Variants in MARCHF1 observed in about 807,000 individuals in gnomAD.
MARCHF1 encodes E3 ubiquitin-protein ligase MARCHF1.
MARCHF1 carries 40 observed loss-of-function variants against 54.2 expected under a neutral mutation model. The ratio of observed to expected loss-of-function variants is 0.74; its 90% CI spans 0.57 to 0.96. The LOEUF is 0.96. MARCHF1 is among the 40% of genes least tolerant of loss of function. MARCHF1 has a pLI of 0.00. For missense variants in MARCHF1, 586 were observed against 656.5 expected, an observed-to-expected ratio of 0.89 and a Z score of 1.17; for synonymous variants, 236 against 236.3, an observed-to-expected ratio of 1.00 and a Z score of 0.01.
intron 1 of MARCHF1, among the ~76,000 whole-genome samples, chr4:164,122,489 A>G (rs1220750309): frequency 1.3e-5 from 2 of 152,078 alleles, no homozygotes; most frequent in Non-Finnish European, 2.9e-5. Flanking sequence ...CATTTGTATA[A>G]TAAGATTAGG....
chr4:164,381,258 T>C lies in MARCHF1; in HGVS notation c.-323+2612A>G, dbSNP rs138449835. 8.3e-3 allele frequency among the ~76,000 whole-genome samples: 1,263 copies of C among 152,314 alleles called. 18 individuals are homozygous for C. The highest frequency in any genetic ancestry group is 0.029 in the African/African-American group (1,215 of 41,566). On this transcript the variant is annotated intron_variant, in intron 1 of 9. Transcript: ENST00000514618. ...ATAGGCAAAGTATGTGTGAAATACA[T>C]TAAAGAACATTATGAGAATACTCTC...
rs375487965 is a variant in MARCHF1, at chr4:163,693,006, T to C, written c.162+7807A>G. Reference sequence around the variant, plus strand: ...TGTATTCATCTGGCATGGACGTTAATATACAATCATGGTCCTGTTCCAGGG... The same window carrying C: ...TGTATTCATCTGGCATGGACGTTAACATACAATCATGGTCCTGTTCCAGGG... On this transcript the variant is annotated intron_variant, in intron 5 of 9. Transcript: ENST00000514618. 9.2e-5 allele frequency among the ~76,000 whole-genome samples: 14 copies of C among 151,532 alleles called. 1 individual carries two copies. The highest frequency in any genetic ancestry group is 1.5e-4 in the Non-Finnish European group (10 of 67,958).
At chr4:163,956,262 C>T (rs1220380357) in intron 3 of MARCHF1, among the ~76,000 whole-genome samples, 1 of 152,114 alleles carries the variant, frequency 6.6e-6, no homozygotes, top group Non-Finnish European at 1.5e-5. Flanking sequence ...TTTCCTAAGT[C>T]ATTTAGTCAT....
chr4:163,964,965 C>A (rs1449249085), intron 3 of MARCHF1, among the ~76,000 whole-genome samples: 2 of 151,880 alleles, frequency 1.3e-5, no homozygotes. Flanking sequence ...AAATTAAAGT[C>A]AATCGAAAGT....
At chr4:164,170,585 C>G (rs1482887312) in intron 1 of MARCHF1, among the ~76,000 whole-genome samples, 3 of 151,984 alleles carry the variant, frequency 2.0e-5, no homozygotes, top group Non-Finnish European at 2.9e-5. Flanking sequence ...ACTTATGGTT[C>G]CTTCCCTCAA....
chr4:163,667,162 A>G (rs1453906831), intron 5 of MARCHF1, among the ~76,000 whole-genome samples: 1 of 152,104 alleles, frequency 6.6e-6, no homozygotes, highest in Non-Finnish European at 1.5e-5. Context: ...AAAAAAATTT[A>G]TATTTTCAAC....
At chr4:163,955,637 C>A (rs773376318) in intron 3 of MARCHF1, among the ~76,000 whole-genome samples, 1 of 152,016 alleles carries the variant, frequency 6.6e-6, no homozygotes, top group Non-Finnish European at 1.5e-5. Context: ...TCGCATCTAA[C>A]GTTTCCAGTC....
At chr4:164,161,744 G>A (rs1120384) in intron 1 of MARCHF1, among the ~76,000 whole-genome samples, 23,961 of 152,054 alleles carry the variant, frequency 0.16, 2,651 homozygotes, top group African/African-American at 0.3. Flanking sequence ...AATCCATCTT[G>A]CAACTCTTGG....
At chr4:163,707,097 G>A (rs1057049574) in intron 4 of MARCHF1, among the ~76,000 whole-genome samples, 5 of 152,054 alleles carry the variant, frequency 3.3e-5, no homozygotes, top group Non-Finnish European at 7.4e-5. Flanking sequence ...ATGGAGTCCT[G>A]ATGGAACAAT....
chr4:163,561,189 G>A (rs1229253536), intron 8 of MARCHF1, among the ~76,000 whole-genome samples: 2 of 152,030 alleles, frequency 1.3e-5, no homozygotes, highest in Non-Finnish European at 2.9e-5. Context: ...TATCATATAG[G>A]TCAACTAAAA....
rs1553971748 is a variant in MARCHF1 at position 164,034,104 on chromosome 4, T to TAGATAGATAGATAGATAGATAGAC, written c.-247-45396_-247-45395insGTCTATCTATCTATCTATCTATCT. On this transcript the variant is annotated intron_variant, in intron 2 of 9. Coordinates refer to ENST00000514618, the MANE Select transcript of MARCHF1 (RefSeq NM_001394959.1). The stretch of plus-strand genomic sequence containing the variant: ...ATAGATAGATAGATAGATAGATAGA[T>TAGATAGATAGATAGATAGATAGAC]AGATAGATAGATAGAGATATATACA... Among the ~76,000 whole-genome samples the TAGATAGATAGATAGATAGATAGAC allele has an allele frequency of 5.6e-3, 787 of 141,756 alleles. 27 individuals carry two copies. The highest frequency in any genetic ancestry group is 6.1e-3 in the Non-Finnish European group (399 of 65,718). 93.0% of individuals were successfully genotyped at this position (141,756 alleles called of 152,430 possible).
chr4:163,854,340 C>T (rs1468651903), intron 3 of MARCHF1, among the ~76,000 whole-genome samples, 171 bp from the exon 4 acceptor site: 1 of 152,028 alleles, frequency 6.6e-6, no homozygotes, highest in Non-Finnish European at 1.5e-5. Context: ...TTACTAATAT[C>T]CTAGAGTCAC....
intron 3 of MARCHF1, among the ~76,000 whole-genome samples, chr4:163,904,786 A>ACAGAGACAGAGG (rs1751022692): frequency 1.0e-4 from 1 of 9,698 alleles, no homozygotes; most frequent in South Asian, 0.5. Flanking sequence ...AGAGACAGAG[A>ACAGAGACAGAGG]GAGAAAGAGA....
chr4:163,550,276 C>G, intron 8 of MARCHF1, among the ~76,000 whole-genome samples: 1 of 91,826 alleles, frequency 1.1e-5, no homozygotes. Flanking sequence ...AGCGAGACTC[C>G]GTCTCAAAAA....
intron 3 of MARCHF1, among the ~76,000 whole-genome samples, chr4:163,949,004 G>A (rs1457983644): frequency 6.6e-6 from 1 of 152,200 alleles, no homozygotes; most frequent in East Asian, 1.9e-4. Flanking sequence ...TCTTTCCAGT[G>A]GGAAATCTCT....
At chr4:163,574,207 A>G (rs1337351355) in intron 8 of MARCHF1, among the ~76,000 whole-genome samples, 3 of 151,890 alleles carry the variant, frequency 2.0e-5, no homozygotes, top group Non-Finnish European at 4.4e-5. Context: ...TAGATTCTGG[A>G]TATTAGCCCT....
intron 1 of MARCHF1, among the ~76,000 whole-genome samples, chr4:164,126,223 G>C (rs1756176491): frequency 6.6e-6 from 1 of 152,170 alleles, no homozygotes; most frequent in African/African-American, 2.4e-5. Context: ...ATTGGATCCT[G>C]AGGGCAGAGC....
intron 4 of MARCHF1, among the ~76,000 whole-genome samples, chr4:163,750,239 T>A (rs1053555992): frequency 2.0e-5 from 3 of 151,924 alleles, no homozygotes; most frequent in African/African-American, 7.3e-5. Flanking sequence ...GGGCCAGGCG[T>A]GGTGGCTCAT....
At chr4:164,127,344 T>C (rs1756206289) in intron 1 of MARCHF1, among the ~76,000 whole-genome samples, 1 of 152,260 alleles carries the variant, frequency 6.6e-6, no homozygotes, top group South Asian at 2.1e-4. Flanking sequence ...AGAGAAGAAC[T>C]TAGAATTTTA....
Sources: allele counts gnomAD v4.1 joint callset (sites outside exome capture counted in the v4.1 genomes callset), GRCh38; gene constraint gnomAD v4.1.1; transcripts MANE v1.5; gene names NCBI Gene and HGNC (gene_info 2026-07-23, HGNC 2026-07-21).